RPL12: variants seen among roughly 807,000 people sequenced by gnomAD.
The protein encoded by RPL12 is large ribosomal subunit protein uL11.
RPL12 carries 10 observed loss-of-function variants against 24.5 expected under a neutral mutation model. The observed-to-expected ratio is 0.41, with a 90% CI of 0.25 to 0.69. The LOEUF (loss-of-function observed/expected upper bound fraction) is 0.69, where lower values mean the gene tolerates loss of function less well. Among genes scored for constraint, RPL12 ranks in the 30% least tolerant of loss-of-function variants. RPL12 has a pLI of 0.33. For synonymous variants in RPL12, 74 were observed against 76.1 expected (o/e 0.97, Z 0.14); for missense variants, 137 against 205.3 (o/e 0.67, Z 2.03).
intron 6 of RPL12, 38 bp from the exon 7 acceptor site, chr9:127,447,764 A>C (rs1192525672): frequency 6.2e-7 from 1 of 1,613,690 alleles, no homozygotes; most frequent in South Asian, 1.1e-5. Context: ...AAAAGTTTAA[A>C]AGGATTATCC....
At chr9:127,448,232 A>AC in intron 5 of RPL12, 105 bp downstream of exon 5, 1 of 1,060,648 alleles carries the variant, frequency 9.4e-7, no homozygotes. Context: ...AGAAAACTGC[A>AC]CCCCATCTTG....
intron 4 of RPL12, 62 bp downstream of exon 4, chr9:127,449,219 C>A: frequency 7.2e-7 from 1 of 1,379,758 alleles, no homozygotes. Context: ...GAAAACACAG[C>A]CACATATATC....
Position 127,451,338 on chromosome 9 carries a change from G to T in RPL12, c.-21C>A. ...GGCATGGTGGAGGCGGCTGGTGTCGGATGAACCCGGATTCGGGACGACCGA... is the reference window on the plus strand; with the variant it reads ...GGCATGGTGGAGGCGGCTGGTGTCGTATGAACCCGGATTCGGGACGACCGA... On this transcript the variant is annotated 5_prime_UTR_variant, in exon 1 of 7. Transcript: ENST00000361436. 6.2e-7 allele frequency: 1 copy of T among 1,611,706 alleles called. No individual in the cohort carries two copies. Among genetic ancestry groups the T allele is most frequent in the South Asian group, 1.1e-5 (1 of 91,012 alleles).
At chr9:127,449,565 C>T in intron 3 of RPL12, 45 bp downstream of exon 3, 1 of 1,529,924 alleles carries the variant, frequency 6.5e-7, no homozygotes, top group Middle Eastern at 1.7e-4. Context: ...GGGTTGCTAC[C>T]TGTCCCCCCA....
At chr9:127,449,737 G>A in intron 2 of RPL12, 29 bp from the exon 3 acceptor site, 2 of 1,554,958 alleles carry the variant, frequency 1.3e-6, no homozygotes. Flanking sequence ...AATCAACATG[G>A]TGTCCAGAGG....
intron 2 of RPL12, 67 bp downstream of exon 2, chr9:127,450,664 A>G (rs1834277834): frequency 8.1e-7 from 1 of 1,242,186 alleles, no homozygotes; most frequent in Non-Finnish European, 1.1e-6. Context: ...CACAGGCGTG[A>G]CTCCACGAGC....
At chr9:127,451,005 G>T in intron 1 of RPL12, 1 of 639,758 alleles carries the variant, frequency 1.6e-6, no homozygotes, top group Non-Finnish European at 2.7e-6. Flanking sequence ...CCCGTCGCCC[G>T]CTAACCCAGG....
chr9:127,449,103 G>A, intron 4 of RPL12, 178 bp downstream of exon 4: 1 of 552,858 alleles, frequency 1.8e-6, no homozygotes, highest in South Asian at 1.9e-5. Context: ...GGGATTACAG[G>A]TGTGAGCCAC....
intron 1 of RPL12, 21 bp from the exon 2 acceptor site, chr9:127,450,825 G>C: frequency 6.5e-7 from 1 of 1,538,468 alleles, no homozygotes; most frequent in Non-Finnish European, 8.8e-7. Flanking sequence ...AGAAGAGTTA[G>C]TGTCTGTGCA....
intron 2 of RPL12, 106 bp downstream of exon 2, chr9:127,450,625 G>A: frequency 1.3e-6 from 1 of 795,602 alleles, no homozygotes; most frequent in Middle Eastern, 2.3e-4. Context: ...TACTGAGGGT[G>A]ACAGTCCAAG....
chr9:127,450,928 G>A lies in RPL12; in HGVS notation c.38-124C>T, dbSNP rs531712362. The A allele has an allele frequency of 2.2e-4, 173 of 777,782 alleles. 2 individuals are homozygous for A. Among genetic ancestry groups the A allele is most frequent in the South Asian group, 1.9e-3 (110 of 58,592 alleles). 48.2% of individuals were successfully genotyped at this position (777,782 alleles called of 1,614,324 possible). On this transcript the variant is annotated intron_variant, in intron 1 of 6. Coordinates refer to ENST00000361436, the MANE Select transcript of RPL12 (RefSeq NM_000976.4). ...CTCGAAACAGCACAGAGCGCGAGGC[G>A]GGCCACCCGCTCCTCCCTCGGGTGT...
intron 6 of RPL12, 31 bp downstream of exon 6, chr9:127,447,846 C>A: frequency 6.2e-7 from 1 of 1,610,532 alleles, no homozygotes; most frequent in Non-Finnish European, 8.5e-7. Flanking sequence ...CCCCCTTTCA[C>A]CCCTACTGTA....
intron 4 of RPL12, 92 bp downstream of exon 4, chr9:127,449,189 A>G: frequency 9.5e-7 from 1 of 1,047,356 alleles, no homozygotes; most frequent in Non-Finnish European, 1.4e-6. Flanking sequence ...ACCCATGTCA[A>G]CCCCAGGTTT....
At chr9:127,450,622 G>A in intron 2 of RPL12, 109 bp downstream of exon 2, 1 of 769,302 alleles carries the variant, frequency 1.3e-6, no homozygotes, top group Non-Finnish European at 2.1e-6. Context: ...GCCTACTGAG[G>A]GTGACAGTCC....
At chr9:127,448,013 T>A in intron 5 of RPL12, 24 bp from the exon 6 acceptor site, 1 of 1,587,722 alleles carries the variant, frequency 6.3e-7, no homozygotes, top group Non-Finnish European at 8.6e-7. Flanking sequence ...AATGGTGGCA[T>A]TGGAGGTGCT....
In RPL12 at chr9:127,449,577, C is replaced by G. The variant is rs370005236; in HGVS notation, c.210+33G>C. 3.2e-6 allele frequency: 5 copies of G among 1,582,428 alleles called. No homozygotes were observed. In the African/African-American group the frequency reaches 4.0e-5, roughly 13 times the overall value. ...AGAGGGTTGCTACCTGTCCCCCCAC[C>G]CTCCTCTCCCGAAACCAAGCACAAG... On this transcript the variant is annotated intron_variant, in intron 3 of 6. Transcript: ENST00000361436.
chr9:127,449,105 G>C (rs1194529169), intron 4 of RPL12, 176 bp downstream of exon 4: 4 of 556,348 alleles, frequency 7.2e-6, no homozygotes, highest in African/African-American at 5.7e-5. Context: ...GATTACAGGT[G>C]TGAGCCACCC....
chr9:127,450,635 G>A (rs1393927443), intron 2 of RPL12, 96 bp downstream of exon 2: 1 of 904,606 alleles, frequency 1.1e-6, no homozygotes, highest in Non-Finnish European at 1.7e-6. Flanking sequence ...GACAGTCCAA[G>A]CCACGAGGGC....
At chr9:127,449,884 G>C (rs989228835) in intron 2 of RPL12, 176 bp from the exon 3 acceptor site, 3 of 615,122 alleles carry the variant, frequency 4.9e-6, no homozygotes, top group Non-Finnish European at 5.9e-6. Flanking sequence ...TTCTTGTCCA[G>C]AACTGTAAAC....
Sources: gnomAD v4.1 joint callset for allele counts on GRCh38, gnomAD v4.1.1 for gene constraint, MANE v1.5 for transcripts, NCBI Gene and HGNC (gene_info 2026-07-23, HGNC 2026-07-21) for gene names.